TMEM132D: variants seen among roughly 807,000 people sequenced by gnomAD.
TMEM132D encodes the protein mature OL transmembrane protein.
Under a neutral mutation model 62.3 loss-of-function variants are expected in TMEM132D, and 21 were observed. The observed-to-expected ratio is 0.34, with a 90% CI of 0.24 to 0.49. The LOEUF is 0.49. TMEM132D is among the 20% of genes least tolerant of loss of function. The pLI is 0.99. For synonymous variants in TMEM132D, 621 were observed against 575.6 expected (o/e 1.08, Z -1.13); for missense variants, 1,346 against 1,402.8 (o/e 0.96, Z 0.65).
chr12:129,475,123 G>A (rs1462283704), intron 3 of TMEM132D, among the ~76,000 whole-genome samples: 1 of 152,164 alleles, frequency 6.6e-6, no homozygotes, highest in Non-Finnish European at 1.5e-5. Flanking sequence ...GCTATCAAAA[G>A]CCACTGTGAG....
intron 2 of TMEM132D, among the ~76,000 whole-genome samples, chr12:129,550,656 C>T (rs1490725502): frequency 2.0e-5 from 3 of 152,160 alleles, no homozygotes; most frequent in Non-Finnish European, 4.4e-5. Flanking sequence ...TTGTAAACTA[C>T]AAAGAACACC....
At chr12:129,152,677 C>A (rs1189383555) in intron 5 of TMEM132D, among the ~76,000 whole-genome samples, 1 of 152,098 alleles carries the variant, frequency 6.6e-6, no homozygotes, top group African/African-American at 2.4e-5. Context: ...AGTCTGTGGG[C>A]CTGGGTGTAG....
intron 4 of TMEM132D, among the ~76,000 whole-genome samples, chr12:129,323,554 C>A (rs144521353): frequency 8.3e-4 from 126 of 152,184 alleles, no homozygotes; most frequent in African/African-American, 2.9e-3. Context: ...TGGCCTGGAG[C>A]TTAAGATTGT....
intron 1 of TMEM132D, among the ~76,000 whole-genome samples, chr12:129,735,971 C>A (rs1467557983): frequency 6.6e-6 from 1 of 152,194 alleles, no homozygotes; most frequent in East Asian, 1.9e-4. Flanking sequence ...AGCACACCTG[C>A]CCACCTCCAC....
intron 3 of TMEM132D, among the ~76,000 whole-genome samples, chr12:129,452,246 A>G (rs4759571): frequency 1 from 152,313 of 152,336 alleles, 76,145 homozygotes; most frequent in Middle Eastern, 1. Context: ...AAAATGAATA[A>G]CATGCCGAAC....
At chr12:129,255,113 C>G (rs995486283) in intron 4 of TMEM132D, among the ~76,000 whole-genome samples, 1 of 152,174 alleles carries the variant, frequency 6.6e-6, no homozygotes, top group Non-Finnish European at 1.5e-5. Context: ...CCATGTGAGA[C>G]GTGTCTGGTC....
At chr12:129,301,874 A>G (rs1881723458) in intron 4 of TMEM132D, among the ~76,000 whole-genome samples, 1 of 152,048 alleles carries the variant, frequency 6.6e-6, no homozygotes, top group Non-Finnish European at 1.5e-5. Context: ...CTTAAGCACC[A>G]TATTCTATTG....
chr12:129,453,854 G>A (rs1208697868), intron 3 of TMEM132D, among the ~76,000 whole-genome samples: 1 of 152,196 alleles, frequency 6.6e-6, no homozygotes, highest in Non-Finnish European at 1.5e-5. Flanking sequence ...CTGTGTCTGT[G>A]TATGAGTCTG....
intron 5 of TMEM132D, among the ~76,000 whole-genome samples, chr12:129,151,918 T>C (rs1437854121): frequency 1.3e-5 from 2 of 150,414 alleles, no homozygotes; most frequent in Admixed American, 1.3e-4. Flanking sequence ...TGCTCTGTTG[T>C]CCAGGCTGGA....
intron 3 of TMEM132D, among the ~76,000 whole-genome samples, chr12:129,441,510 G>A (rs1394502517): frequency 3.9e-5 from 6 of 152,220 alleles, no homozygotes; most frequent in Admixed American, 3.9e-4. Context: ...GGGAGCTGGA[G>A]GTACAGAGGA....
At chr12:129,391,949 G>T (rs1871301135) in intron 3 of TMEM132D, among the ~76,000 whole-genome samples, 1 of 151,758 alleles carries the variant, frequency 6.6e-6, no homozygotes, top group Non-Finnish European at 1.5e-5. Flanking sequence ...TAGAGACAGG[G>T]TTTCACCATG....
intron 1 of TMEM132D, among the ~76,000 whole-genome samples, chr12:129,807,098 G>A (rs560418836): frequency 2.6e-5 from 4 of 152,126 alleles, no homozygotes; most frequent in Non-Finnish European, 4.4e-5. Flanking sequence ...AAAATGAGAG[G>A]ATTTTACATG....
In TMEM132D at chr12:129,848,379, G is replaced by A. The variant is rs371549683; in HGVS notation, c.79+54882C>T. On this transcript the variant is annotated intron_variant, in intron 1 of 8. Coordinates refer to ENST00000422113, the MANE Select transcript of TMEM132D (RefSeq NM_133448.3). ...ACAGAAGTGACAATTTTTCTTCTTCGATAGATAATAAGAACTGTCTCCCGG... is the reference window on the plus strand; with the variant it reads ...ACAGAAGTGACAATTTTTCTTCTTCAATAGATAATAAGAACTGTCTCCCGG... 1.9e-4 allele frequency among the ~76,000 whole-genome samples: 29 copies of A among 152,262 alleles called. 2 individuals carry two copies. In the South Asian group the frequency reaches 5.2e-3, roughly 27 times the overall value.
intron 3 of TMEM132D, among the ~76,000 whole-genome samples, chr12:129,426,211 C>T (rs1872491166): frequency 6.6e-6 from 1 of 152,134 alleles, no homozygotes; most frequent in Non-Finnish European, 1.5e-5. Context: ...CCCATGACTG[C>T]CTCATGGTTA....
intron 2 of TMEM132D, among the ~76,000 whole-genome samples, chr12:129,682,021 C>T (rs1380095659): frequency 6.6e-6 from 1 of 152,206 alleles, no homozygotes; most frequent in African/African-American, 2.4e-5. Context: ...CTAGAATGTG[C>T]TGAGTTAGGT....
At chr12:129,257,976 C>G (rs1880452684) in intron 4 of TMEM132D, among the ~76,000 whole-genome samples, 1 of 152,070 alleles carries the variant, frequency 6.6e-6, no homozygotes, top group Non-Finnish European at 1.5e-5. Flanking sequence ...CTTTTTTGCT[C>G]AAGCCATTCT....
At chr12:129,886,344 A>G (rs1472749339) in intron 1 of TMEM132D, among the ~76,000 whole-genome samples, 1 of 152,172 alleles carries the variant, frequency 6.6e-6, no homozygotes, top group Non-Finnish European at 1.5e-5. Flanking sequence ...TTGCTATTGT[A>G]AAATCAAAGA....
At chr12:129,136,645 A>T (rs573603499) in intron 5 of TMEM132D, among the ~76,000 whole-genome samples, 76 of 151,558 alleles carry the variant, frequency 5.0e-4, no homozygotes, top group African/African-American at 1.8e-3. Flanking sequence ...CATCACAATC[A>T]CCATCATCAT....
chr12:129,812,904 G>A (rs1027779080), intron 1 of TMEM132D, among the ~76,000 whole-genome samples: 4 of 151,748 alleles, frequency 2.6e-5, no homozygotes, highest in African/African-American at 9.7e-5. Context: ...TGACAATTCT[G>A]CTAAACCCCA....
Sources: gnomAD v4.1 joint callset for allele counts (sites outside exome capture counted in the v4.1 genomes callset) on GRCh38, gnomAD v4.1.1 for gene constraint, MANE v1.5 for transcripts, NCBI Gene and HGNC (gene_info 2026-07-23, HGNC 2026-07-21) for gene names.